The following ST6GAL1 variants were observed in gnomAD, a reference collection of about 807,000 sequenced individuals.
The protein encoded by ST6GAL1 is ST6 beta-galactoside alpha-2,6-sialyltransferase 1.
A neutral mutation model predicts 38.0 loss-of-function variants in ST6GAL1; 20 were observed. The ratio of observed to expected loss-of-function variants is 0.53; its 90% confidence interval spans 0.37 to 0.77. ST6GAL1 has a LOEUF of 0.77. Among genes scored for constraint, ST6GAL1 ranks in the 30% least tolerant of loss-of-function variants. ST6GAL1 has a pLI of 0.00. For synonymous variants in ST6GAL1, 196 were observed against 188.2 expected, an observed-to-expected ratio of 1.04 and a Z score of -0.34; for missense variants, 432 against 496.4, an observed-to-expected ratio of 0.87 and a Z score of 1.23.
chr3:186,982,425 G>T (rs1000946685), intron 2 of ST6GAL1, among the ~76,000 whole-genome samples: 2 of 152,194 alleles, frequency 1.3e-5, no homozygotes, highest in Non-Finnish European at 2.9e-5. Context: ...AAGAATCATG[G>T]CAGACAGTTA....
intron 5 of ST6GAL1, among the ~76,000 whole-genome samples, chr3:187,063,594 A>G (rs758539772): frequency 1.2e-4 from 19 of 152,096 alleles, no homozygotes; most frequent in African/African-American, 2.9e-4. Flanking sequence ...CAAAGAGGAG[A>G]GGGGAGAGGG....
chr3:187,042,870 T>G lies in ST6GAL1; in HGVS notation c.167T>G (p.Met56Arg). 1 of 1,614,166 alleles carries G rather than the reference T, an allele frequency of 6.2e-7. No homozygotes were observed. Among genetic ancestry groups the G allele is most frequent in the Non-Finnish European group, 8.5e-7 (1 of 1,180,010 alleles). ...QVLKSLGKLA[M>R]GSDSQSVSSS... ...TTAAAGAGTCTGGGGAAATTGGCCA[T>G]GGGGTCTGATTCCCAGTCTGTATCC... is the stretch of plus-strand genomic sequence containing the variant. Residue 56 changes from methionine (M) to arginine (R), a missense_variant, in exon 4 of 8, where the codon ATG becomes AGG. Physicochemically the swap from Met to Arg is moderately conservative, Grantham distance 91. Transcript: ENST00000169298.
chr3:187,062,696 C>T (rs1718964037), intron 5 of ST6GAL1, among the ~76,000 whole-genome samples: 1 of 151,948 alleles, frequency 6.6e-6, no homozygotes, highest in African/African-American at 2.4e-5. Context: ...TTCAATTTTG[C>T]AAGACTGAAA....
intron 2 of ST6GAL1, among the ~76,000 whole-genome samples, chr3:186,970,423 C>T (rs1715310847): frequency 6.6e-6 from 1 of 150,568 alleles, no homozygotes; most frequent in South Asian, 2.1e-4. Flanking sequence ...CAAGGTTTCA[C>T]TGTGTTAGCC....
At chr3:186,964,823 C>CTTA (rs1715051347) in intron 2 of ST6GAL1, among the ~76,000 whole-genome samples, 1 of 152,132 alleles carries the variant, frequency 6.6e-6, no homozygotes, top group African/African-American at 2.4e-5. Context: ...CAGGGCTTAC[C>CTTA]CTACCCCAGG....
chr3:187,010,830 C>A (rs1308340975), intron 2 of ST6GAL1, among the ~76,000 whole-genome samples: 1 of 152,222 alleles, frequency 6.6e-6, no homozygotes, highest in Non-Finnish European at 1.5e-5. Context: ...GCCCCTGCAC[C>A]TGGAACTGTT....
chr3:186,949,321 G>C lies in ST6GAL1; in HGVS notation c.-324-14464G>C, dbSNP rs771975519. 3.4e-4 allele frequency among the ~76,000 whole-genome samples: 52 copies of C among 152,196 alleles called. 1 individual carries two copies. Among genetic ancestry groups the C allele is most frequent in the Non-Finnish European group, 1.0e-4 (7 of 68,044 alleles). Reference sequence around the variant, plus strand: ...CCAGGCTGAGTTATCAGTTACCTAAGAGTCTGCCTCAGGGATTGCCTTTGT... The same window carrying C: ...CCAGGCTGAGTTATCAGTTACCTAACAGTCTGCCTCAGGGATTGCCTTTGT... On this transcript the variant is annotated intron_variant, in intron 1 of 7. Coordinates refer to ENST00000169298, the MANE Select transcript of ST6GAL1 (RefSeq NM_173216.2).
In ST6GAL1 at chr3:187,076,096, A is replaced by C. The variant is rs139249171; in HGVS notation, c.*293A>C. ...TTCCACCTTGGTAGATGCAAGGTCT[A>C]TCTCTCCCATCAGGGCTGCCAAAGC... On this transcript the variant is annotated 3_prime_UTR_variant, in exon 8 of 8. Transcript: ENST00000169298. 1.6e-5 allele frequency: 6 copies of C among 378,544 alleles called. No individual in the cohort carries two copies. Among genetic ancestry groups the C allele is most frequent in the African/African-American group, 8.1e-5 (4 of 49,404 alleles). 23.4% of individuals were successfully genotyped at this position (378,544 alleles called of 1,614,324 possible). A position where few individuals can be genotyped will look rare whatever the true frequency, so the allele number is the denominator to read the frequency against.
chr3:186,959,691 CA>C (rs1714870828), intron 1 of ST6GAL1, among the ~76,000 whole-genome samples: 1 of 152,194 alleles, frequency 6.6e-6, no homozygotes, highest in African/African-American at 2.4e-5. Flanking sequence ...CTTATCTTAG[CA>C]GACGTTCTTA....
At chr3:186,959,448 C>T (rs1188701051) in intron 1 of ST6GAL1, among the ~76,000 whole-genome samples, 2 of 152,170 alleles carry the variant, frequency 1.3e-5, no homozygotes, top group Non-Finnish European at 2.9e-5. Context: ...CTCCTCGCTT[C>T]ATAGGCTTGT....
chr3:186,933,813 T>C (rs558037498), intron 1 of ST6GAL1, among the ~76,000 whole-genome samples: 39 of 152,356 alleles, frequency 2.6e-4, no homozygotes, highest in African/African-American at 8.7e-4. Context: ...ATGGTTGTTA[T>C]AACAACACCC....
At chr3:187,031,379 G>C (rs565604564) in intron 2 of ST6GAL1, among the ~76,000 whole-genome samples, 1 of 152,186 alleles carries the variant, frequency 6.6e-6, no homozygotes, top group East Asian at 1.9e-4. Context: ...AAAAATGGGG[G>C]TAGTAATGGT....
chr3:186,938,807 C>T (rs910223037), intron 1 of ST6GAL1, among the ~76,000 whole-genome samples: 2 of 152,168 alleles, frequency 1.3e-5, no homozygotes, highest in Non-Finnish European at 2.9e-5. Flanking sequence ...TGATCCGTAA[C>T]CCCATGGTCA....
rs187666990 is a variant in ST6GAL1 at position 186,952,050 on chromosome 3, G to A, written c.-324-11735G>A. ...GACTGAGTAATTTATAAAGAAAAGAGGTTTATTTGGCTCATGATTCTGCAG... is the reference window on the plus strand; with the variant it reads ...GACTGAGTAATTTATAAAGAAAAGAAGTTTATTTGGCTCATGATTCTGCAG... On this transcript the variant is annotated intron_variant, in intron 1 of 7. Transcript: ENST00000169298. The surrounding 1 kb of genome is among the most constrained non-coding windows in gnomAD (Gnocchi z 4.1). 3.3e-5 allele frequency among the ~76,000 whole-genome samples: 5 copies of A among 152,276 alleles called. No individual in the cohort carries two copies. The highest frequency in any genetic ancestry group is 2.6e-4 in the Admixed American group (4 of 15,286).
intron 2 of ST6GAL1, among the ~76,000 whole-genome samples, chr3:186,995,079 ATATGTGTG>A (rs929917196): frequency 2.0e-5 from 3 of 152,176 alleles, no homozygotes; most frequent in African/African-American, 7.2e-5. Flanking sequence ...TATTATATAT[ATATGTGTG>A]TATGTGTATA....
At chr3:187,016,716 A>G (rs916135914) in intron 2 of ST6GAL1, among the ~76,000 whole-genome samples, 7 of 152,308 alleles carry the variant, frequency 4.6e-5, no homozygotes, top group Admixed American at 6.5e-5. Flanking sequence ...ACCCCCAGAG[A>G]ACCAGCCCCT....
chr3:187,052,475 G>A (rs1718549867), intron 5 of ST6GAL1, among the ~76,000 whole-genome samples: 1 of 152,096 alleles, frequency 6.6e-6, no homozygotes, highest in South Asian at 2.1e-4. Flanking sequence ...AGGCCCCAGG[G>A]TGTGATGTTC....
At chr3:187,055,042 A>C (rs1485017396) in intron 5 of ST6GAL1, among the ~76,000 whole-genome samples, 1 of 152,190 alleles carries the variant, frequency 6.6e-6, no homozygotes, top group Non-Finnish European at 1.5e-5. Flanking sequence ...GTATGTGTCC[A>C]GGAATTTATC....
chr3:186,997,968 C>T (rs972758152), intron 2 of ST6GAL1, among the ~76,000 whole-genome samples: 7 of 151,886 alleles, frequency 4.6e-5, no homozygotes, highest in East Asian at 1.9e-4. Context: ...AAAAAGAGGC[C>T]GGGCATGGTG....
Sources: gnomAD v4.1 joint callset for allele counts (sites outside exome capture counted in the v4.1 genomes callset) on GRCh38, gnomAD v4.1.1 for gene constraint, Gnocchi (gnomAD v3.1) non-coding constraint, MANE v1.5 for transcripts, NCBI Gene and HGNC (gene_info 2026-07-23, HGNC 2026-07-21) for gene names.